The following DDX50 variants were observed in gnomAD, a reference collection of about 807,000 sequenced individuals.
DDX50 encodes DExD-box helicase 50, also known as ATP-dependent RNA helicase DDX50.
A neutral mutation model predicts 94.8 loss-of-function variants in DDX50; 56 were observed. The ratio of observed to expected loss-of-function variants is 0.59; its 90% CI spans 0.48 to 0.74. DDX50 has a LOEUF of 0.74. DDX50 is among the 30% of genes least tolerant of loss of function. The probability of loss-of-function intolerance (pLI) is 0.00; values close to 1 mark genes in which losing one functional copy is unlikely to be tolerated. For synonymous variants in DDX50, 264 were observed against 295.4 expected (o/e 0.89, Z 1.09); for missense variants, 713 against 881.2 (o/e 0.81, Z 2.42).
intron 2 of DDX50, among the ~76,000 whole-genome samples, chr10:68,908,176 C>T (rs528351722): frequency 1.3e-5 from 2 of 151,990 alleles, no homozygotes; most frequent in South Asian, 4.1e-4. Flanking sequence ...ATAGGCTGGG[C>T]GCAGTGGCTC....
chr10:68,916,495 A>G (rs896252519), intron 7 of DDX50, among the ~76,000 whole-genome samples: 3 of 152,168 alleles, frequency 2.0e-5, no homozygotes, highest in Non-Finnish European at 4.4e-5. Flanking sequence ...TAGTAAATTG[A>G]ATAGAAAGAT....
intron 3 of DDX50, 60 bp downstream of exon 3, chr10:68,910,442 G>A: frequency 7.0e-7 from 1 of 1,428,550 alleles, no homozygotes. Context: ...TCGCTCTGTT[G>A]CCCAGGCTGG....
chr10:68,904,328 T>C (rs540353378), intron 1 of DDX50, among the ~76,000 whole-genome samples: 1 of 151,804 alleles, frequency 6.6e-6, no homozygotes, highest in African/African-American at 2.4e-5. Flanking sequence ...AAAACTGAAG[T>C]GAATAGTGGT....
Position 68,934,306 on chromosome 10 carries a change from C to T in DDX50, c.1347C>T (p.Ala449=), listed in dbSNP as rs1842349804. 3 of 1,613,674 alleles carry T rather than the reference C, an allele frequency of 1.9e-6. No homozygotes were observed. In the East Asian group the frequency reaches 6.7e-5, roughly 36 times the overall value. ...TTTTGGTGGCAACCAATGTGGCTGC[C>T]CGTGGTTTGGACATTCCTGAAGTTG... The part of the protein sequence containing the change: ...FKVLVATNVA[A]RGLDIPEVDL... Residue 449 remains alanine (A), a synonymous_variant, in exon 9 of 15, where the codon GCC becomes GCT. Transcript: ENST00000373585. This position sits in a 1 kb window ranked among gnomAD's most constrained non-coding sequence, Gnocchi z 4.0.
chr10:68,912,193 CT>C (rs972659574), intron 4 of DDX50, among the ~76,000 whole-genome samples: 5 of 150,712 alleles, frequency 3.3e-5, no homozygotes, highest in Non-Finnish European at 3.0e-5. Flanking sequence ...CTCAACACTG[CT>C]TTTTTTTTGT....
chr10:68,922,451 T>G (rs1386671150), intron 8 of DDX50, among the ~76,000 whole-genome samples: 1 of 152,210 alleles, frequency 6.6e-6, no homozygotes, highest in African/African-American at 2.4e-5. Flanking sequence ...TTTATCTCAT[T>G]GAAAAACTGA....
intron 8 of DDX50, among the ~76,000 whole-genome samples, chr10:68,925,095 G>GTTTT (rs1239190321): frequency 1.9e-3 from 54 of 28,558 alleles, no homozygotes; most frequent in African/African-American, 4.3e-3. Flanking sequence ...CCTGCTCATG[G>GTTTT]TTTTTTTTTT....
At chr10:68,943,753 A>T (rs945552598) in intron 14 of DDX50, among the ~76,000 whole-genome samples, 8 of 151,702 alleles carry the variant, frequency 5.3e-5, no homozygotes, top group East Asian at 2.0e-4. Flanking sequence ...TAATTTTTTT[A>T]AAAAATTTTT....
At chr10:68,942,982 G>A (rs1474502424) in intron 13 of DDX50, among the ~76,000 whole-genome samples, 1 of 152,084 alleles carries the variant, frequency 6.6e-6, no homozygotes, top group Non-Finnish European at 1.5e-5. Flanking sequence ...TTTATTAGAA[G>A]GATCATTTTA....
chr10:68,904,763 A>G (rs952522888), intron 1 of DDX50, among the ~76,000 whole-genome samples: 2 of 152,234 alleles, frequency 1.3e-5, no homozygotes, highest in Admixed American at 6.5e-5. Flanking sequence ...GGCTGAATCG[A>G]TAAATAATCT....
In DDX50 at chr10:68,946,502, C is replaced by T. The variant is rs143037779; in HGVS notation, c.2086C>T (p.Arg696Ter). 1 of 1,614,014 alleles carries T rather than the reference C, an allele frequency of 6.2e-7. No individual in the cohort carries two copies. Among genetic ancestry groups the T allele is most frequent in the African/African-American group, 1.3e-5 (1 of 74,926 alleles). Residue 696 changes from arginine (R) to a stop codon, truncating the protein, a stop_gained, in exon 15 of 15, where the codon CGA (arginine) becomes TGA (stop). Transcript: ENST00000373585. LOFTEE classifies it high-confidence loss of function. Reference sequence around the variant, plus strand: ...AGGCCGGTCAGGCCGGTCAGGTGGTCGATCTGGCGGCCGGTCAGGTAGACA... The same window carrying T: ...AGGCCGGTCAGGCCGGTCAGGTGGTTGATCTGGCGGCCGGTCAGGTAGACA... ...RSGRSGRSGG[R>*]SGGRSGRQSR...
rs56820953 is a variant in DDX50 at position 68,923,937 on chromosome 10, C to CTTTT, written c.1239+3983_1239+3986dup. On this transcript the variant is annotated intron_variant, in intron 8 of 14. Coordinates refer to ENST00000373585, the MANE Select transcript of DDX50 (RefSeq NM_024045.2). The stretch of plus-strand genomic sequence containing the variant: ...TCACTTTATTTGAGGAGATAGTCTG[C>CTTTT]TTTTTTTTTTTTTTTTTTTTTTTTT... 7.1e-5 allele frequency among the ~76,000 whole-genome samples: 3 copies of CTTTT among 42,444 alleles called. 1 individual carries two copies. Among genetic ancestry groups the CTTTT allele is most frequent in the African/African-American group, 1.0e-4 (1 of 9,596 alleles). 27.8% of individuals were successfully genotyped at this position (42,444 alleles called of 152,430 possible). A position where few individuals can be genotyped will look rare whatever the true frequency, so the allele number is the denominator to read the frequency against.
intron 7 of DDX50, among the ~76,000 whole-genome samples, chr10:68,917,596 T>C (rs1279791032): frequency 6.6e-6 from 1 of 152,142 alleles, no homozygotes; most frequent in Non-Finnish European, 1.5e-5. Context: ...TTCTTGTTTG[T>C]TCGTGTTGTG....
intron 1 of DDX50, among the ~76,000 whole-genome samples, chr10:68,905,548 C>T (rs1482347087): frequency 7.2e-5 from 11 of 152,198 alleles, no homozygotes; most frequent in Admixed American, 7.2e-4. Context: ...CTTATAGCTG[C>T]AGGAAATCCC....
chr10:68,930,337 C>T (rs545889533), intron 8 of DDX50, among the ~76,000 whole-genome samples: 1 of 151,868 alleles, frequency 6.6e-6, no homozygotes, highest in African/African-American at 2.4e-5. Flanking sequence ...AGTCTGGTCT[C>T]AAACTCCTGA....
intron 11 of DDX50, among the ~76,000 whole-genome samples, chr10:68,936,515 A>AATATAT (rs869117307): frequency 3.6e-4 from 19 of 53,142 alleles, no homozygotes; most frequent in African/African-American, 1.0e-3. Context: ...AAAAAAAAAA[A>AATATAT]ATATATATAT....
intron 14 of DDX50, among the ~76,000 whole-genome samples, chr10:68,943,926 C>T (rs1842607118): frequency 1.3e-5 from 2 of 152,252 alleles, no homozygotes; most frequent in Non-Finnish European, 1.5e-5. Context: ...AGATGAGGGA[C>T]TTGTATAATG....
chr10:68,940,498 C>A (rs1406071548), intron 12 of DDX50, among the ~76,000 whole-genome samples: 1 of 151,930 alleles, frequency 6.6e-6, no homozygotes, highest in Non-Finnish European at 1.5e-5. Context: ...CGGCTCACTG[C>A]AACCTCTGCC....
chr10:68,930,912 A>G (rs1229961024), intron 8 of DDX50, among the ~76,000 whole-genome samples: 3 of 152,188 alleles, frequency 2.0e-5, no homozygotes, highest in Admixed American at 6.5e-5. Flanking sequence ...TTGGCCTCCC[A>G]AAGTGCTGGG....
Sources: gnomAD v4.1 joint callset for allele counts (sites outside exome capture counted in the v4.1 genomes callset) on GRCh38, gnomAD v4.1.1 for gene constraint, Gnocchi (gnomAD v3.1) non-coding constraint, MANE v1.5 for transcripts, NCBI Gene and HGNC (gene_info 2026-07-23, HGNC 2026-07-21) for gene names.